The following NRG1 variants were observed in gnomAD, a reference collection of about 807,000 sequenced individuals.
NRG1 encodes the protein pro-neuregulin-1, membrane-bound isoform.
Under a neutral mutation model 63.8 loss-of-function variants are expected in NRG1, and 18 were observed. The ratio of observed to expected loss-of-function variants is 0.28; its 90% CI spans 0.19 to 0.42. The LOEUF (loss-of-function observed/expected upper bound fraction) is 0.42. Among genes scored for constraint, NRG1 ranks in the 10% least tolerant of loss-of-function variants. The pLI is 1.00. For missense variants in NRG1, 762 were observed against 814.7 expected, an observed-to-expected ratio of 0.94 and a Z score of 0.79; for synonymous variants, 302 against 301.3, an observed-to-expected ratio of 1.00 and a Z score of -0.02.
At chr8:31,943,989 A>G (rs183596995) in intron 1 of NRG1, among the ~76,000 whole-genome samples, 102 of 152,342 alleles carry the variant, frequency 6.7e-4, no homozygotes, top group Non-Finnish European at 1.3e-3. Flanking sequence ...TCAAAATGGT[A>G]CACATTCTTC....
chr8:32,003,733 G>A (rs943313177), intron 1 of NRG1, among the ~76,000 whole-genome samples: 1 of 151,506 alleles, frequency 6.6e-6, no homozygotes, highest in African/African-American at 2.4e-5. Flanking sequence ...ACAAAATAAA[G>A]AAAATAATCC....
At chr8:32,601,372 G>C (rs1009415725) in intron 2 of NRG1, among the ~76,000 whole-genome samples, 7 of 152,144 alleles carry the variant, frequency 4.6e-5, no homozygotes, top group African/African-American at 1.7e-4. Flanking sequence ...TATTCTTGTA[G>C]GAATGTGCTT....
At chr8:32,646,375 A>C (rs143943893) in intron 5 of NRG1, among the ~76,000 whole-genome samples, 1 of 152,226 alleles carries the variant, frequency 6.6e-6, no homozygotes, top group African/African-American at 2.4e-5. Flanking sequence ...GTTGAAAATC[A>C]GGTAATAACA....
intron 1 of NRG1, among the ~76,000 whole-genome samples, chr8:32,366,677 G>GTGTGTATATATATATATATATA (rs1164696498): frequency 2.3e-5 from 2 of 87,512 alleles, no homozygotes; most frequent in Non-Finnish European, 4.5e-5. Flanking sequence ...GTGTGTGTGT[G>GTGTGTATATATATATATATATA]TATATATATA....
chr8:32,451,276 C>T (rs1014822091), intron 1 of NRG1, among the ~76,000 whole-genome samples: 12 of 152,112 alleles, frequency 7.9e-5, no homozygotes, highest in Non-Finnish European at 1.8e-4. Context: ...ATTCTTTTTG[C>T]CCAGCCCTTG....
chr8:31,963,208 C>T (rs1563623648), intron 1 of NRG1, among the ~76,000 whole-genome samples: 1 of 152,170 alleles, frequency 6.6e-6, no homozygotes, highest in Non-Finnish European at 1.5e-5. Flanking sequence ...GCCAATGAAA[C>T]AATAGGGCTA....
chr8:32,548,841 C>T lies in NRG1; in HGVS notation c.100+15C>T. The T allele has an allele frequency of 6.5e-7, 1 of 1,546,578 alleles. No individual in the cohort carries two copies. Among genetic ancestry groups the T allele is most frequent in the Non-Finnish European group, 8.7e-7 (1 of 1,148,428 alleles). The stretch of plus-strand genomic sequence containing the variant: ...CCAGAGCCCAGGTGGGTGCGCAGCG[C>T]GGCCCGGGCCCCACGATCCTCCTCC... On this transcript the variant is annotated intron_variant, in intron 1 of 11. Coordinates refer to ENST00000356819, the Ensembl canonical transcript of NRG1.
chr8:32,220,442 GT>G (rs1232479158), intron 1 of NRG1, among the ~76,000 whole-genome samples: 1 of 152,128 alleles, frequency 6.6e-6, no homozygotes, highest in African/African-American at 2.4e-5. Context: ...GGGGCTCGGG[GT>G]GGGAGCCTGG....
intron 1 of NRG1, among the ~76,000 whole-genome samples, chr8:31,764,258 G>T (rs182023918): frequency 6.6e-6 from 1 of 152,056 alleles, no homozygotes; most frequent in African/African-American, 2.4e-5. Context: ...TACTCAGTTT[G>T]CCCCAACGGT....
At chr8:31,698,686 G>C (rs936972030) in intron 1 of NRG1, among the ~76,000 whole-genome samples, 1 of 152,124 alleles carries the variant, frequency 6.6e-6, no homozygotes, top group Non-Finnish European at 1.5e-5. Flanking sequence ...TAGTTGAATA[G>C]AACCTGTTAT....
chr8:32,656,769 C>T (rs1801588536), intron 5 of NRG1, among the ~76,000 whole-genome samples: 1 of 152,028 alleles, frequency 6.6e-6, no homozygotes, highest in African/African-American at 2.4e-5. Context: ...TATGTTTTGC[C>T]TGGGTATAAG....
chr8:31,983,458 C>T (rs1586252918), intron 1 of NRG1, among the ~76,000 whole-genome samples: 2 of 152,138 alleles, frequency 1.3e-5, no homozygotes, highest in East Asian at 3.9e-4. Flanking sequence ...TGGCTCACTG[C>T]AGCCTCAACC....
intron 1 of NRG1, among the ~76,000 whole-genome samples, chr8:31,735,621 T>C (rs1224410752): frequency 6.6e-6 from 1 of 152,198 alleles, no homozygotes; most frequent in Non-Finnish European, 1.5e-5. Flanking sequence ...TTGTTGACTT[T>C]GTTTGTTTAG....
At chr8:31,832,938 GA>G (rs1373611602) in intron 1 of NRG1, among the ~76,000 whole-genome samples, 1 of 152,146 alleles carries the variant, frequency 6.6e-6, no homozygotes, top group African/African-American at 2.4e-5. Flanking sequence ...CTGAACCTGA[GA>G]ACTGTCTCTT....
chr8:31,974,630 G>A (rs1228160775), intron 1 of NRG1, among the ~76,000 whole-genome samples: 9 of 152,158 alleles, frequency 5.9e-5, no homozygotes, highest in African/African-American at 1.9e-4. Flanking sequence ...AATAAAGGGA[G>A]GCTATGTTTA....
intron 1 of NRG1, among the ~76,000 whole-genome samples, chr8:32,283,052 T>A (rs1853070252): frequency 6.6e-6 from 1 of 152,168 alleles, no homozygotes; most frequent in African/African-American, 2.4e-5. Context: ...TTAGAAGAAA[T>A]ACCAAGCTAA....
At chr8:32,323,945 G>A (rs1035542089) in intron 1 of NRG1, among the ~76,000 whole-genome samples, 5 of 152,128 alleles carry the variant, frequency 3.3e-5, no homozygotes, top group African/African-American at 4.8e-5. Flanking sequence ...TTCCAAAAAT[G>A]TTTCCTATCA....
intron 5 of NRG1, among the ~76,000 whole-genome samples, chr8:32,627,316 A>G (rs190820751): frequency 7.7e-4 from 117 of 152,324 alleles, no homozygotes; most frequent in African/African-American, 2.5e-3. Context: ...ATAACTAGAA[A>G]CTTTTAGAAA....
chr8:32,384,011 G>A (rs1810682093), intron 1 of NRG1, among the ~76,000 whole-genome samples: 1 of 152,166 alleles, frequency 6.6e-6, no homozygotes. Context: ...AAGGAGGGAG[G>A]ATCACTTGAG....
Sources: gnomAD v4.1 joint callset for allele counts (sites outside exome capture counted in the v4.1 genomes callset) on GRCh38, gnomAD v4.1.1 for gene constraint, MANE v1.5 for transcripts, NCBI Gene and HGNC (gene_info 2026-07-23, HGNC 2026-07-21) for gene names.